The following FLI1 variants were observed in gnomAD, a reference collection of about 807,000 sequenced individuals.
FLI1 encodes the protein Fli-1 proto-oncogene, ETS transcription factor.
A neutral mutation model predicts 53.1 loss-of-function variants in FLI1; 13 were observed. The ratio of observed to expected loss-of-function variants is 0.24; its 90% CI spans 0.16 to 0.39. The LOEUF is 0.39. Among genes scored for constraint, FLI1 ranks in the 10% least tolerant of loss-of-function variants. The pLI is 1.00. For missense variants in FLI1, 424 were observed against 600.5 expected, an observed-to-expected ratio of 0.71 and a Z score of 3.07; for synonymous variants, 244 against 236.7, an observed-to-expected ratio of 1.03 and a Z score of -0.28.
intron 2 of FLI1, among the ~76,000 whole-genome samples, chr11:128,759,494 C>A (rs1226471140): frequency 6.6e-6 from 1 of 152,106 alleles, no homozygotes; most frequent in Non-Finnish European, 1.5e-5. Context: ...TAATGAAGTT[C>A]GGAACTAAGT....
chr11:128,693,509 C>T (rs1937847850), upstream of FLI1: 1 of 178,294 alleles, frequency 5.6e-6, no homozygotes, highest in Admixed American at 6.3e-5. Flanking sequence ...AACTCTCCCT[C>T]CATACCCCCC....
chr11:128,795,828 G>A (rs1471081789), intron 5 of FLI1, among the ~76,000 whole-genome samples: 1 of 152,196 alleles, frequency 6.6e-6, no homozygotes, highest in East Asian at 1.9e-4. Flanking sequence ...GGGATTACAG[G>A]CGTGAGCCAC....
rs528909149 is a variant in FLI1 at position 128,713,422 on chromosome 11, G to C, written c.18+19146G>C. ...GGGAAGAAGGTAAGGAGTATGTATA[G>C]AATACAATTCTGTGAACAAAGTGAG... On this transcript the variant is annotated intron_variant, in intron 1 of 8. Transcript: ENST00000527786. Among the ~76,000 whole-genome samples the C allele has an allele frequency of 4.6e-5, 7 of 152,232 alleles. No individual in the cohort carries two copies. The South Asian group carries it at 1.4e-3, about 32-fold the overall frequency.
intron 5 of FLI1, among the ~76,000 whole-genome samples, chr11:128,799,753 G>A (rs1942572217): frequency 6.6e-6 from 1 of 152,182 alleles, no homozygotes; most frequent in Non-Finnish European, 1.5e-5. Flanking sequence ...CCTGAGCTGT[G>A]GGTTGGGAAG....
chr11:128,736,753 T>C (rs1939931994), intron 1 of FLI1, among the ~76,000 whole-genome samples: 1 of 152,242 alleles, frequency 6.6e-6, no homozygotes, highest in Non-Finnish European at 1.5e-5. Context: ...ATGTGTGTAC[T>C]TTCTGCTATA....
At chr11:128,743,483 G>A (rs549081271) in intron 1 of FLI1, among the ~76,000 whole-genome samples, 49 of 152,046 alleles carry the variant, frequency 3.2e-4, no homozygotes, top group Non-Finnish European at 5.6e-4. Flanking sequence ...GGAACTGAAC[G>A]GGACAAAGGA....
rs554440506 is a variant in FLI1, at chr11:128,757,365, C to T, written c.19-750C>T. 2.4e-4 allele frequency among the ~76,000 whole-genome samples: 36 copies of T among 152,136 alleles called. 1 individual carries two copies. Among genetic ancestry groups the T allele is most frequent in the Admixed American group, 8.5e-4 (13 of 15,274 alleles). On this transcript the variant is annotated intron_variant, in intron 1 of 8. Coordinates refer to ENST00000527786, the MANE Select transcript of FLI1 (RefSeq NM_002017.5). ...GGGTCTTGCCCTGACTGGCACTTCA[C>T]GTGTCTGAGGTTCCTCTTTCGTCCT... is the stretch of plus-strand genomic sequence containing the variant.
intron 1 of FLI1, among the ~76,000 whole-genome samples, chr11:128,740,370 G>C (rs1456303233): frequency 6.6e-6 from 1 of 152,186 alleles, no homozygotes; most frequent in Non-Finnish European, 1.5e-5. Flanking sequence ...TTTGGTTACA[G>C]AAGTCATGAC....
upstream of FLI1, chr11:128,692,520 A>T (rs953572871): frequency 3.4e-5 from 5 of 147,930 alleles, no homozygotes; most frequent in Non-Finnish European, 7.4e-5. Context: ...TCACGTTCAG[A>T]CCCGTGTCTG....
At chr11:128,745,743 C>T (rs903939038) in intron 1 of FLI1, among the ~76,000 whole-genome samples, 2 of 152,216 alleles carry the variant, frequency 1.3e-5, no homozygotes, top group African/African-American at 4.8e-5. Context: ...AGCGTCCCGG[C>T]TTGTGTGCGT....
At chr11:128,755,055 G>A (rs1193114257) in intron 1 of FLI1, among the ~76,000 whole-genome samples, 1 of 152,122 alleles carries the variant, frequency 6.6e-6, no homozygotes, top group African/African-American at 2.4e-5. Context: ...AGAACCGCTG[G>A]CTTTGTGTTC....
intron 1 of FLI1, among the ~76,000 whole-genome samples, chr11:128,713,924 C>T (rs1478280804): frequency 6.6e-6 from 1 of 152,158 alleles, no homozygotes; most frequent in Non-Finnish European, 1.5e-5. Context: ...CAGGCATTAT[C>T]TGTGTGGCCA....
intron 7 of FLI1, among the ~76,000 whole-genome samples, chr11:128,807,918 C>A (rs559453727): frequency 1.6e-4 from 24 of 152,322 alleles, no homozygotes; most frequent in African/African-American, 5.8e-4. Flanking sequence ...AAGACAGCTG[C>A]TGTGCCCAAG....
chr11:128,790,999 A>G (rs1157679042), intron 5 of FLI1, among the ~76,000 whole-genome samples: 1 of 151,936 alleles, frequency 6.6e-6, no homozygotes, highest in African/African-American at 2.4e-5. Context: ...GCCTGGGAAC[A>G]GGGCCATCCT....
At chr11:128,759,685 C>G (rs1941034145) in intron 2 of FLI1, among the ~76,000 whole-genome samples, 1 of 152,164 alleles carries the variant, frequency 6.6e-6, no homozygotes, top group African/African-American at 2.4e-5. Flanking sequence ...AGAAAGGTGG[C>G]ACAGGAAATG....
Position 128,758,195 on chromosome 11 carries a change from C to T in FLI1, c.99C>T (p.Asp33=), listed in dbSNP as rs754201848. The T allele has an allele frequency of 2.7e-5, 44 of 1,613,404 alleles. No individual in the cohort carries two copies. Among genetic ancestry groups the T allele is most frequent in the Non-Finnish European group, 3.6e-5 (43 of 1,179,738 alleles). ...CGGCAGCCCATCTCCCCAAGGCCGA[C>T]ATGACTGCCTCGGGGAGTCCTGACT... The part of the protein sequence containing the change: ...YGAAAHLPKA[D]MTASGSPDYG... Residue 33 remains aspartate (D), a synonymous_variant, in exon 2 of 9, where the codon GAC becomes GAT. Transcript: ENST00000527786.
At chr11:128,802,073 T>C (rs1465557159) in intron 5 of FLI1, among the ~76,000 whole-genome samples, 2 of 152,304 alleles carry the variant, frequency 1.3e-5, no homozygotes, top group African/African-American at 4.8e-5. Flanking sequence ...GTATTCTTGA[T>C]TGCTAACATC....
rs577964852 is a variant in FLI1, at chr11:128,765,532, C to T, written c.231-2586C>T. ...GCCCTCCTGTCCCACCATCCTGCCC[C>T]CTGCTGTAGTTCTCCTTTCCGAGAG... On this transcript the variant is annotated intron_variant, in intron 2 of 8. Transcript: ENST00000527786. 3.3e-3 allele frequency among the ~76,000 whole-genome samples: 509 copies of T among 152,342 alleles called. 1 individual carries two copies. The highest frequency in any genetic ancestry group is 6.8e-3 in the Middle Eastern group (2 of 294).
At chr11:128,699,075 A>G (rs1938211097) in intron 1 of FLI1, among the ~76,000 whole-genome samples, 1 of 152,216 alleles carries the variant, frequency 6.6e-6, no homozygotes, top group Non-Finnish European at 1.5e-5. Flanking sequence ...CTCCTTTAAT[A>G]ATGGAATATT....
Sources: gnomAD v4.1 joint callset for allele counts (sites outside exome capture counted in the v4.1 genomes callset) on GRCh38, gnomAD v4.1.1 for gene constraint, MANE v1.5 for transcripts, NCBI Gene and HGNC (gene_info 2026-07-23, HGNC 2026-07-21) for gene names.